The following GFOD1 variants were observed in gnomAD, a reference collection of about 807,000 sequenced individuals.
GFOD1 encodes glucose-fructose oxidoreductase domain-containing protein 1.
In GFOD1, 9 loss-of-function variants were observed where a neutral mutation model predicts 25.4. That is an observed-to-expected ratio of 0.35 (90% CI 0.21 to 0.62). The LOEUF (loss-of-function observed/expected upper bound fraction) is 0.62, where lower values mean the gene tolerates loss of function less well. GFOD1 is among the 20% of genes least tolerant of loss of function. The pLI is 0.72. For synonymous variants in GFOD1, 253 were observed against 245.6 expected (o/e 1.03, Z -0.28); for missense variants, 403 against 556.9 (o/e 0.72, Z 2.78).
At chr6:13,410,577 G>GA (rs1786054968) in intron 1 of GFOD1, among the ~76,000 whole-genome samples, 2 of 128,184 alleles carry the variant, frequency 1.6e-5, no homozygotes, top group African/African-American at 7.2e-5. Context: ...AAGAAAGAAA[G>GA]GAGAGAGAGA....
chr6:13,419,062 A>G (rs988734767), intron 1 of GFOD1, among the ~76,000 whole-genome samples: 2 of 152,066 alleles, frequency 1.3e-5, no homozygotes, highest in African/African-American at 4.8e-5. Flanking sequence ...TCAAGCTCCC[A>G]TTAAGCAGAA....
At chr6:13,445,561 A>G (rs1169458242) in intron 1 of GFOD1, among the ~76,000 whole-genome samples, 1 of 152,188 alleles carries the variant, frequency 6.6e-6, no homozygotes, top group Non-Finnish European at 1.5e-5. Flanking sequence ...TTTCCCCTCC[A>G]AGTATGGTTC....
chr6:13,428,509 C>T (rs1204877467), intron 1 of GFOD1, among the ~76,000 whole-genome samples: 2 of 24,326 alleles, frequency 8.2e-5, no homozygotes, highest in African/African-American at 1.2e-4. Flanking sequence ...GCCCCCAGTG[C>T]GATGCGATGC....
At chr6:13,390,186 G>A (rs1016095249) in intron 1 of GFOD1, among the ~76,000 whole-genome samples, 4 of 152,128 alleles carry the variant, frequency 2.6e-5, no homozygotes, top group Admixed American at 6.5e-5. Flanking sequence ...GGAATTCTTA[G>A]GCATATTTTC....
intron 1 of GFOD1, among the ~76,000 whole-genome samples, chr6:13,380,524 TGTC>T (rs2127558425): frequency 6.6e-6 from 1 of 152,300 alleles, no homozygotes; most frequent in South Asian, 2.1e-4. Flanking sequence ...GCTTAGCGAA[TGTC>T]AAGTTCAATT....
intron 1 of GFOD1, among the ~76,000 whole-genome samples, chr6:13,371,635 C>T (rs576002523): frequency 1.3e-5 from 2 of 152,308 alleles, no homozygotes; most frequent in South Asian, 2.1e-4. Flanking sequence ...ACAAGAAGTG[C>T]CTGAGAAAGT....
At chr6:13,440,387 C>T (rs1757896342) in intron 1 of GFOD1, among the ~76,000 whole-genome samples, 2 of 152,168 alleles carry the variant, frequency 1.3e-5, no homozygotes, top group African/African-American at 4.8e-5. Flanking sequence ...GACAGGGTTT[C>T]ACCATGTTGG....
At chr6:13,457,648 C>T (rs559319532) in intron 1 of GFOD1, among the ~76,000 whole-genome samples, 4 of 152,190 alleles carry the variant, frequency 2.6e-5, no homozygotes, top group Non-Finnish European at 2.9e-5. Context: ...CTCTAAGTGC[C>T]AACAACCATC....
At chr6:13,457,563 C>T (rs1584663454) in intron 1 of GFOD1, among the ~76,000 whole-genome samples, 1 of 152,134 alleles carries the variant, frequency 6.6e-6, no homozygotes, top group Non-Finnish European at 1.5e-5. Flanking sequence ...AGAACGTGGT[C>T]GGATAATGCC....
At chr6:13,420,525 C>T (rs1282990384) in intron 1 of GFOD1, among the ~76,000 whole-genome samples, 1 of 152,162 alleles carries the variant, frequency 6.6e-6, no homozygotes, top group Non-Finnish European at 1.5e-5. Context: ...AAGCTGTCAC[C>T]AATCGAGATG....
Position 13,391,511 on chromosome 6 carries a change from CAAAAAAAAA to C in GFOD1, c.254-25858_254-25850del, listed in dbSNP as rs57340590. 1.0e-4 allele frequency among the ~76,000 whole-genome samples: 11 copies of C among 108,666 alleles called. No homozygotes were observed. The East Asian group carries it at 2.1e-3, about 21-fold the overall frequency. 71.3% of individuals were successfully genotyped at this position (108,666 alleles called of 152,430 possible). The stretch of plus-strand genomic sequence containing the variant: ...AGACTCCATCTCAAAAACAAACAAA[CAAAAAAAAA>C]AAAAAAAAAAGAAAGAGAAAAGAAA... On this transcript the variant is annotated intron_variant, in intron 1 of 1. Transcript: ENST00000379287.
intron 1 of GFOD1, among the ~76,000 whole-genome samples, chr6:13,414,601 T>C (rs76020646): frequency 0.012 from 1,779 of 152,254 alleles, 29 homozygotes; most frequent in African/African-American, 0.04. Flanking sequence ...TGTGCCTCCA[T>C]AGCCCCATCT....
At chr6:13,376,925 A>C (rs1212358936) in intron 1 of GFOD1, among the ~76,000 whole-genome samples, 4 of 152,192 alleles carry the variant, frequency 2.6e-5, no homozygotes, top group African/African-American at 7.2e-5. Context: ...ACTTTAAACT[A>C]GGCAACATCT....
Position 13,365,162 on chromosome 6 carries a change from CCA to C in GFOD1, c.752_753del (p.Val251GlyfsTer181). ...GCCAGCAGGCGCCCGGCTGAGCCCACCACAGTGACATCCTGCTTGAACTCGCC... is the reference window on the plus strand; with the variant it reads ...GCCAGCAGGCGCCCGGCTGAGCCCACCAGTGACATCCTGCTTGAACTCGCC... ...VPGEFKQDVT[V>X]VGSAGRLLAV... On this transcript the variant is annotated frameshift_variant, in exon 2 of 2. Coordinates refer to ENST00000379287, the MANE Select transcript of GFOD1 (RefSeq NM_018988.4). LOFTEE classifies it high-confidence loss of function. The surrounding 1 kb of genome is among the most constrained non-coding windows in gnomAD (Gnocchi z 9.2). The C allele has an allele frequency of 6.2e-7, 1 of 1,613,758 alleles. No individual in the cohort carries two copies.
At position 13,487,315 on chromosome 6, in the gene GFOD1, C is replaced by A; in HGVS notation, c.-425G>T. 5.7e-6 allele frequency: 1 copy of A among 174,600 alleles called. No individual in the cohort carries two copies. The highest frequency in any genetic ancestry group is 1.2e-5 in the Non-Finnish European group (1 of 83,620). The allele number at this position is 174,600 out of a possible 1,614,324, so 10.8% of individuals were successfully genotyped here. On this transcript the variant is annotated 5_prime_UTR_variant, in exon 1 of 2. Coordinates refer to ENST00000379287, the MANE Select transcript of GFOD1 (RefSeq NM_018988.4). This position sits in a 1 kb window ranked among gnomAD's most constrained non-coding sequence, Gnocchi z 4.9. ...GCCCGGGACCGGCTCTCTCCCGCGT[C>A]GTTTGCGCAGCCGGCGAATCGCACA...
chr6:13,395,863 G>A (rs942388384), intron 1 of GFOD1, among the ~76,000 whole-genome samples: 26 of 152,336 alleles, frequency 1.7e-4, no homozygotes, highest in Admixed American at 1.3e-3. Flanking sequence ...CACTCAGGCC[G>A]TGGTAGCCCC....
chr6:13,369,854 C>A (rs1382754882), intron 1 of GFOD1, among the ~76,000 whole-genome samples: 2 of 152,104 alleles, frequency 1.3e-5, no homozygotes, highest in Non-Finnish European at 2.9e-5. Flanking sequence ...CATATATGAT[C>A]TCAACCCTCT....
intron 1 of GFOD1, chr6:13,470,013 T>G (rs1007761723): frequency 1.5e-6 from 2 of 1,349,264 alleles, no homozygotes; most frequent in Non-Finnish European, 2.0e-6. Context: ...CTTTGACCTT[T>G]TCTAACTCCC....
At chr6:13,374,269 T>TG (rs1388428104) in intron 1 of GFOD1, among the ~76,000 whole-genome samples, 2,083 of 121,788 alleles carry the variant, frequency 0.017, 35 homozygotes, top group Middle Eastern at 0.03. Context: ...AATATGTTTT[T>TG]TTTTTGTGTG....
Sources: allele counts gnomAD v4.1 joint callset (sites outside exome capture counted in the v4.1 genomes callset), GRCh38; gene constraint gnomAD v4.1.1; non-coding constraint Gnocchi (gnomAD v3.1); transcripts MANE v1.5; gene names NCBI Gene and HGNC (gene_info 2026-07-23, HGNC 2026-07-21).